IWS1: variants seen among roughly 807,000 people sequenced by gnomAD.
IWS1 encodes interacts with SUPT6H, CTD assembly factor 1.
In IWS1, 27 loss-of-function variants were observed where a neutral mutation model predicts 86.7. The observed-to-expected ratio is 0.31, with a 90% CI of 0.23 to 0.43. The LOEUF (loss-of-function observed/expected upper bound fraction) is 0.43. IWS1 is among the 20% of genes least tolerant of loss of function. The pLI is 1.00. For missense variants in IWS1, 827 were observed against 1,000.8 expected (o/e 0.83, Z 2.34); for synonymous variants, 313 against 335.1 (o/e 0.93, Z 0.72).
chr2:127,523,313 C>T (rs1189303771), intron 2 of IWS1, among the ~76,000 whole-genome samples: 1 of 152,192 alleles, frequency 6.6e-6, no homozygotes, highest in Admixed American at 6.5e-5. Flanking sequence ...ACCCCCATAA[C>T]TTTCTATTTC....
At position 127,498,984 on chromosome 2, in the gene IWS1, C is replaced by T. The variant is rs1410360409; in HGVS notation, c.1468-747G>A. 4.6e-5 allele frequency among the ~76,000 whole-genome samples: 7 copies of T among 152,054 alleles called. No homozygotes were observed. In the South Asian group the frequency reaches 1.5e-3, roughly 32 times the overall value. On this transcript the variant is annotated intron_variant, in intron 5 of 13. Coordinates refer to ENST00000295321, the MANE Select transcript of IWS1 (RefSeq NM_017969.3). ...TTTTTCTTATCAGTATGTAAAATCTCTTTGAAAATTAGATATAGCCCCCTA... is the reference window on the plus strand; with the variant it reads ...TTTTTCTTATCAGTATGTAAAATCTTTTTGAAAATTAGATATAGCCCCCTA...
Position 127,502,795 on chromosome 2 carries a change from T to C in IWS1, c.1467+20A>G. On this transcript the variant is annotated intron_variant, in intron 5 of 13. Coordinates refer to ENST00000295321, the MANE Select transcript of IWS1 (RefSeq NM_017969.3). ...AAAAAAAGCACAATCAAGGAGGAAA[T>C]ATTTCCATCTTATACTTACTGTAAA... The C allele has an allele frequency of 7.2e-7, 1 of 1,384,720 alleles. No individual in the cohort carries two copies. The highest frequency in any genetic ancestry group is 1.0e-6 in the Non-Finnish European group (1 of 978,748). 85.8% of individuals were successfully genotyped at this position (1,384,720 alleles called of 1,614,324 possible). A position where few individuals can be genotyped will look rare whatever the true frequency, so the allele number is the denominator to read the frequency against.
chr2:127,519,048 AT>A (rs905263387), intron 2 of IWS1, among the ~76,000 whole-genome samples: 19 of 150,660 alleles, frequency 1.3e-4, no homozygotes, highest in African/African-American at 2.9e-4. Flanking sequence ...TATTTTGTTC[AT>A]TTTTTTTTGC....
chr2:127,496,212 A>G, intron 6 of IWS1, 64 bp from the exon 7 acceptor site: 1 of 1,488,808 alleles, frequency 6.7e-7, no homozygotes, highest in Non-Finnish European at 9.1e-7. Context: ...TTACTTTCAC[A>G]ACAATTAAGA....
chr2:127,508,908 C>G (rs185394220), intron 2 of IWS1, among the ~76,000 whole-genome samples: 92 of 152,308 alleles, frequency 6.0e-4, no homozygotes, highest in Non-Finnish European at 1.1e-3. Flanking sequence ...CAAAACTCAC[C>G]CGCTACACTC....
chr2:127,503,120 C>A (rs1410296994), intron 4 of IWS1, among the ~76,000 whole-genome samples: 1 of 152,296 alleles, frequency 6.6e-6, no homozygotes, highest in South Asian at 2.1e-4. Flanking sequence ...CAACTGCCAC[C>A]TTGACTTCCA....
At chr2:127,486,475 GGTTATTAACACATGAA>G in intron 13 of IWS1, 62 bp downstream of exon 13, 2 of 1,024,672 alleles carry the variant, frequency 2.0e-6, no homozygotes, top group Non-Finnish European at 3.1e-6. Context: ...GAGCTACAAG[GGTTATTAACACATGAA>G]GTAAAGAGTC....
At chr2:127,484,641 G>C (rs910259019) in intron 13 of IWS1, 2 of 152,110 alleles carry the variant, frequency 1.3e-5, no homozygotes, top group Non-Finnish European at 2.9e-5. Flanking sequence ...TATTTTCTTT[G>C]CCATATTGTA....
In IWS1 at chr2:127,486,595, A is replaced by G. The variant is rs1407562902; in HGVS notation, c.2286T>C (p.Tyr762=). ...CCACATTCCATTTGGGCCTGACAAC[A>G]TAGTCCTTGTTTGAAGGCATTGGGA... ...ARVPMPSNKD[Y]VVRPKWNVEM... Residue 762 remains tyrosine, a synonymous_variant, in exon 13 of 14, where the codon TAT becomes TAC. Transcript: ENST00000295321. 6.2e-7 allele frequency: 1 copy of G among 1,613,964 alleles called. No individual in the cohort carries two copies. Among genetic ancestry groups the G allele is most frequent in the East Asian group, 2.2e-5 (1 of 44,888 alleles).
chr2:127,494,033 T>C (rs1268342019), intron 8 of IWS1, among the ~76,000 whole-genome samples: 1 of 151,984 alleles, frequency 6.6e-6, no homozygotes, highest in African/African-American at 2.4e-5. Flanking sequence ...GATGCACCAA[T>C]ACATTTCCTC....
In IWS1 at chr2:127,499,215, T is replaced by C. The variant is rs1371862411; in HGVS notation, c.1468-978A>G. 1.3e-5 allele frequency among the ~76,000 whole-genome samples: 2 copies of C among 151,840 alleles called. No homozygotes were observed. The highest frequency in any genetic ancestry group is 4.8e-5 in the African/African-American group (2 of 41,338). ...ATGCCATTCTCCTGCCTCAGCCTTCTGAGTAGCTGGGACTACAGGCGCCTG... is the reference window on the plus strand; with the variant it reads ...ATGCCATTCTCCTGCCTCAGCCTTCCGAGTAGCTGGGACTACAGGCGCCTG... On this transcript the variant is annotated intron_variant, in intron 5 of 13. Coordinates refer to ENST00000295321, the MANE Select transcript of IWS1 (RefSeq NM_017969.3). This position sits in a 1 kb window ranked among gnomAD's most constrained non-coding sequence, Gnocchi z 4.0.
chr2:127,503,350 A>T, intron 4 of IWS1, 37 bp downstream of exon 4: 1 of 1,519,702 alleles, frequency 6.6e-7, no homozygotes, highest in Non-Finnish European at 9.0e-7. Flanking sequence ...CTGCCTAATT[A>T]AGAACCCCTG....
intron 6 of IWS1, among the ~76,000 whole-genome samples, chr2:127,497,487 TA>T (rs1690575909): frequency 2.0e-5 from 3 of 152,370 alleles, no homozygotes; most frequent in African/African-American, 7.2e-5. Flanking sequence ...ACAGGCTTGC[TA>T]AGCGCCTCAA....
intron 2 of IWS1, chr2:127,514,577 G>C (rs1410210181): frequency 3.4e-4 from 51 of 152,236 alleles, no homozygotes; most frequent in Admixed American, 3.3e-3. Flanking sequence ...GACATCCTTG[G>C]GGCTCTGCAG....
upstream of IWS1, chr2:127,526,755 A>G (rs1035057826): frequency 1.6e-5 from 18 of 1,119,262 alleles, no homozygotes; most frequent in African/African-American, 2.1e-4. Flanking sequence ...CTCTTCCGAA[A>G]AATGAAGACC....
At chr2:127,525,639 A>T (rs1268655837) in intron 1 of IWS1, among the ~76,000 whole-genome samples, 2 of 152,216 alleles carry the variant, frequency 1.3e-5, no homozygotes, top group Non-Finnish European at 2.9e-5. Context: ...AAGGAGACCA[A>T]ACTTCGGTGA....
chr2:127,502,053 C>A (rs1459894101), intron 5 of IWS1, among the ~76,000 whole-genome samples: 1 of 152,112 alleles, frequency 6.6e-6, no homozygotes, highest in African/African-American at 2.4e-5. Context: ...ATTACTGTTA[C>A]CTTTTAATGT....
Position 127,504,855 on chromosome 2 carries a change from G to GCA in IWS1, c.1047_1048insTG (p.His350CysfsTer41). ...TTTCTGTCCATATGGCTGTCTGAAT[G>GCA]GAAGGAGTCATTCTGCATTTCTGTA... On this transcript the variant is annotated frameshift_variant, in exon 3 of 14. Transcript: ENST00000295321. LOFTEE classifies it high-confidence loss of function. 1 of 1,614,116 alleles carries GCA rather than the reference G, an allele frequency of 6.2e-7. No homozygotes were observed. The highest frequency in any genetic ancestry group is 1.7e-5 in the Admixed American group (1 of 60,018).
At chr2:127,511,101 TG>T (rs935076363) in intron 2 of IWS1, 12 of 152,222 alleles carry the variant, frequency 7.9e-5, no homozygotes, top group South Asian at 2.1e-4. Flanking sequence ...TCTTCTACCT[TG>T]TCTTTTTCGT....
Sources: gnomAD v4.1 joint callset for allele counts (sites outside exome capture counted in the v4.1 genomes callset) on GRCh38, gnomAD v4.1.1 for gene constraint, Gnocchi (gnomAD v3.1) non-coding constraint, MANE v1.5 for transcripts, NCBI Gene and HGNC (gene_info 2026-07-23, HGNC 2026-07-21) for gene names.